Variants in SAMD3 observed in about 807,000 individuals in gnomAD.
The protein encoded by SAMD3 is sterile alpha motif domain-containing protein 3.
A neutral mutation model predicts 58.5 loss-of-function variants in SAMD3; 63 were observed. The observed-to-expected ratio is 1.08, with a 90% CI of 0.88 to 1.33. The LOEUF is 1.33. Ranked by LOEUF, SAMD3 falls within the 40% of genes most tolerant of loss-of-function variation. The pLI is 0.00. For missense variants in SAMD3, 604 were observed against 608.4 expected (o/e 0.99, Z 0.08); for synonymous variants, 220 against 210.3 (o/e 1.05, Z -0.40).
intron 9 of SAMD3, among the ~76,000 whole-genome samples, chr6:130,153,644 TTTC>T (rs1286436038): frequency 7.4e-5 from 3 of 40,326 alleles, no homozygotes; most frequent in Admixed American, 2.6e-4. Context: ...ACCCATTAAA[TTTC>T]ATATATATAT....
At chr6:130,160,358 G>GA (rs1474490653) in intron 8 of SAMD3, 2 of 151,946 alleles carry the variant, frequency 1.3e-5, no homozygotes, top group Non-Finnish European at 1.5e-5. Context: ...TACATTGATT[G>GA]AAAAAAAGGA....
intron 9 of SAMD3, among the ~76,000 whole-genome samples, chr6:130,149,513 ATGG>A (rs1788941980): frequency 6.6e-6 from 1 of 152,222 alleles, no homozygotes; most frequent in South Asian, 2.1e-4. Flanking sequence ...CATGTACACC[ATGG>A]AATACTACAT....
chr6:130,364,853 C>G (rs1409526394), intron 1 of SAMD3, among the ~76,000 whole-genome samples: 3 of 151,552 alleles, frequency 2.0e-5, no homozygotes, highest in African/African-American at 4.8e-5. Flanking sequence ...ACTTTTTTTT[C>G]TAATGTGGAA....
At chr6:130,265,675 C>T (rs1774319184) in intron 2 of SAMD3, among the ~76,000 whole-genome samples, 2 of 152,112 alleles carry the variant, frequency 1.3e-5, no homozygotes, top group Non-Finnish European at 1.5e-5. Context: ...TATGACCCAT[C>T]TGAGCCTCCC....
chr6:130,214,562 T>C, intron 3 of SAMD3, 36 bp from the exon 4 acceptor site: 2 of 1,503,964 alleles, frequency 1.3e-6, no homozygotes, highest in Non-Finnish European at 1.8e-6. Flanking sequence ...TCTACATGAC[T>C]TTCCGGCAAA....
chr6:130,228,351 GT>G (rs201679048), intron 2 of SAMD3, among the ~76,000 whole-genome samples: 60 of 151,936 alleles, frequency 3.9e-4, no homozygotes, highest in African/African-American at 1.3e-3. Context: ...ATTAAAAATT[GT>G]TTTTTTTCTG....
chr6:130,150,043 G>A (rs1284619014), intron 9 of SAMD3, among the ~76,000 whole-genome samples: 1 of 152,010 alleles, frequency 6.6e-6, no homozygotes, highest in African/African-American at 2.4e-5. Context: ...TACGCACATG[G>A]TGATGTTTTC....
chr6:130,355,746 G>A (rs1777810481), intron 1 of SAMD3, among the ~76,000 whole-genome samples: 1 of 152,170 alleles, frequency 6.6e-6, no homozygotes, highest in African/African-American at 2.4e-5. Context: ...CAGGAAAAAT[G>A]GAGAAGCACC....
chr6:130,200,276 A>G (rs1794526265), intron 5 of SAMD3, among the ~76,000 whole-genome samples: 1 of 151,210 alleles, frequency 6.6e-6, no homozygotes, highest in South Asian at 2.1e-4. Flanking sequence ...TTCCTCATTC[A>G]TGCGCCTGTA....
At chr6:130,190,768 C>A (rs909117076) in intron 5 of SAMD3, among the ~76,000 whole-genome samples, 6 of 152,034 alleles carry the variant, frequency 3.9e-5, no homozygotes, top group African/African-American at 1.4e-4. Flanking sequence ...TGTGATCCAT[C>A]ATCCAATTTT....
At chr6:130,265,934 T>C (rs1774331954) in intron 2 of SAMD3, among the ~76,000 whole-genome samples, 1 of 152,178 alleles carries the variant, frequency 6.6e-6, no homozygotes, top group Non-Finnish European at 1.5e-5. Flanking sequence ...AAAATAAATG[T>C]GGATACTGGT....
chr6:130,190,004 C>T (rs373725491), intron 5 of SAMD3, among the ~76,000 whole-genome samples: 30 of 152,180 alleles, frequency 2.0e-4, no homozygotes, highest in Admixed American at 7.2e-4. Context: ...GGCAGGATTT[C>T]GGGCAACCCA....
chr6:130,263,636 T>C (rs1774224878), intron 2 of SAMD3, among the ~76,000 whole-genome samples: 1 of 152,224 alleles, frequency 6.6e-6, no homozygotes, highest in East Asian at 1.9e-4. Flanking sequence ...CCTCGTTCTA[T>C]TGCTGACCAT....
chr6:130,204,465 T>A (rs7743317), intron 5 of SAMD3, among the ~76,000 whole-genome samples: 2 of 151,844 alleles, frequency 1.3e-5, no homozygotes, highest in African/African-American at 4.8e-5. Flanking sequence ...AAATTAGCAG[T>A]GTGTGGCAGT....
chr6:130,153,723 G>A (rs550677386), intron 9 of SAMD3, among the ~76,000 whole-genome samples: 115 of 148,412 alleles, frequency 7.7e-4, no homozygotes, highest in African/African-American at 2.7e-3. Flanking sequence ...TCACCAAGCT[G>A]CAGTACAGTG....
At chr6:130,215,525 T>A (rs1795954219) in intron 2 of SAMD3, 1 of 1,334,136 alleles carries the variant, frequency 7.5e-7, no homozygotes, top group Non-Finnish European at 9.5e-7. Context: ...ATTTCTCAAA[T>A]TTCTTCACCT....
At chr6:130,180,980 TC>T (rs1213343430) in intron 7 of SAMD3, among the ~76,000 whole-genome samples, 1 of 88,524 alleles carries the variant, frequency 1.1e-5, no homozygotes, top group Non-Finnish European at 2.4e-5. Context: ...GGAGTTCCGC[TC>T]TTGTTACCTG....
chr6:130,305,810 A>T (rs370957767), intron 2 of SAMD3, among the ~76,000 whole-genome samples: 35 of 152,336 alleles, frequency 2.3e-4, no homozygotes, highest in African/African-American at 7.0e-4. Context: ...TGCTAATGCT[A>T]ATATTTTGTT....
chr6:130,289,316 C>T (rs1156235071), intron 2 of SAMD3, among the ~76,000 whole-genome samples: 2 of 152,132 alleles, frequency 1.3e-5, no homozygotes, highest in Admixed American at 6.5e-5. Context: ...GAAGATGTGG[C>T]TTTTCTTGAT....
Sources: allele counts gnomAD v4.1 joint callset (sites outside exome capture counted in the v4.1 genomes callset), GRCh38; gene constraint gnomAD v4.1.1; transcripts MANE v1.5; gene names NCBI Gene and HGNC (gene_info 2026-07-23, HGNC 2026-07-21).